KCND2: variants seen among roughly 807,000 people sequenced by gnomAD.
The protein encoded by KCND2 is potassium voltage-gated channel subfamily D member 2.
KCND2 carries 16 observed loss-of-function variants against 54.4 expected under a neutral mutation model. That is an observed-to-expected ratio of 0.29 (90% CI 0.20 to 0.45). KCND2 has a LOEUF of 0.45. KCND2 is among the 20% of genes least tolerant of loss of function. The probability of loss-of-function intolerance (pLI) is 1.00; values close to 1 mark genes in which losing one functional copy is unlikely to be tolerated. For synonymous variants in KCND2, 317 were observed against 310.7 expected (o/e 1.02, Z -0.21); for missense variants, 486 against 824.2 (o/e 0.59, Z 5.02).
chr7:120,454,575 G>A (rs1007769093), intron 1 of KCND2, among the ~76,000 whole-genome samples: 4 of 151,972 alleles, frequency 2.6e-5, no homozygotes, highest in East Asian at 1.9e-4. Flanking sequence ...CTTACCAACC[G>A]GAAAAAAATT....
chr7:120,686,171 G>C (rs147668764), intron 1 of KCND2, among the ~76,000 whole-genome samples: 1 of 152,270 alleles, frequency 6.6e-6, no homozygotes, highest in Non-Finnish European at 1.5e-5. Flanking sequence ...TGGATATTTA[G>C]ATTTTTTCCA....
At chr7:120,743,196 C>T (rs980622039) in intron 4 of KCND2, among the ~76,000 whole-genome samples, 2 of 152,172 alleles carry the variant, frequency 1.3e-5, no homozygotes, top group Non-Finnish European at 2.9e-5. Flanking sequence ...ATTGGCAAAT[C>T]TACCAATTTC....
intron 1 of KCND2, among the ~76,000 whole-genome samples, chr7:120,569,897 G>A (rs1172704225): frequency 6.6e-6 from 1 of 152,028 alleles, no homozygotes; most frequent in Admixed American, 6.6e-5. Flanking sequence ...GCTGTAATAG[G>A]GACAGGGGAT....
At chr7:120,356,977 G>A (rs950356893) in intron 1 of KCND2, among the ~76,000 whole-genome samples, 5 of 152,116 alleles carry the variant, frequency 3.3e-5, no homozygotes, top group African/African-American at 7.2e-5. Context: ...AGGCTGAGCT[G>A]TGCTTTTCAG....
intron 1 of KCND2, among the ~76,000 whole-genome samples, chr7:120,358,178 T>C (rs1800535082): frequency 6.6e-6 from 1 of 152,034 alleles, no homozygotes; most frequent in African/African-American, 2.4e-5. Flanking sequence ...AGAGCAAAAA[T>C]ACTTATTAGG....
intron 1 of KCND2, among the ~76,000 whole-genome samples, chr7:120,636,019 G>T (rs559452041): frequency 2.3e-4 from 35 of 152,264 alleles, no homozygotes; most frequent in African/African-American, 8.4e-4. Context: ...AAACGCAACT[G>T]TGGCCTTCCT....
At chr7:120,602,407 C>T (rs1024986473) in intron 1 of KCND2, among the ~76,000 whole-genome samples, 3 of 152,062 alleles carry the variant, frequency 2.0e-5, no homozygotes, top group Admixed American at 1.3e-4. Context: ...AGGCTTCCTG[C>T]AATCATCTAT....
chr7:120,523,381 A>G (rs1791723818), intron 1 of KCND2, among the ~76,000 whole-genome samples: 1 of 151,460 alleles, frequency 6.6e-6, no homozygotes, highest in South Asian at 2.1e-4. Context: ...AAAATAATAA[A>G]CTTTAAAATA....
intron 1 of KCND2, among the ~76,000 whole-genome samples, chr7:120,683,127 T>C (rs1010661623): frequency 6.6e-6 from 1 of 152,114 alleles, no homozygotes; most frequent in African/African-American, 2.4e-5. Context: ...CATGAAACAC[T>C]GGTTGAATAC....
At chr7:120,310,975 A>G (rs1301780609) in intron 1 of KCND2, among the ~76,000 whole-genome samples, 3 of 151,498 alleles carry the variant, frequency 2.0e-5, no homozygotes, top group African/African-American at 7.3e-5. Flanking sequence ...AAAACTCTGT[A>G]TTACATATAT....
At chr7:120,405,928 G>A (rs1033591480) in intron 1 of KCND2, among the ~76,000 whole-genome samples, 1 of 151,966 alleles carries the variant, frequency 6.6e-6, no homozygotes, top group African/African-American at 2.4e-5. Context: ...TTCTGTCATG[G>A]TATAGTAGGT....
chr7:120,482,812 A>C (rs1221242027), intron 1 of KCND2, among the ~76,000 whole-genome samples: 1 of 152,216 alleles, frequency 6.6e-6, no homozygotes, highest in Non-Finnish European at 1.5e-5. Flanking sequence ...AGCAAAAAAA[A>C]CAGGCTAAAA....
intron 1 of KCND2, among the ~76,000 whole-genome samples, chr7:120,435,091 T>TTTTATTTATTTATTTATTTATTTATTTA (rs58887227): frequency 6.7e-6 from 1 of 149,212 alleles, no homozygotes; most frequent in African/African-American, 2.5e-5. Flanking sequence ...AAACAATAAA[T>TTTTATTTATTTATTTATTTATTTATTTA]TTTATTTATT....
At chr7:120,383,241 C>T (rs1800938014) in intron 1 of KCND2, among the ~76,000 whole-genome samples, 1 of 151,780 alleles carries the variant, frequency 6.6e-6, no homozygotes, top group Admixed American at 6.6e-5. Context: ...TTTCATTGGC[C>T]AGATTTTCTG....
intron 1 of KCND2, among the ~76,000 whole-genome samples, chr7:120,313,405 T>C (rs773268593): frequency 1.3e-5 from 2 of 152,102 alleles, no homozygotes; most frequent in Non-Finnish European, 2.9e-5. Flanking sequence ...GGTAAAGACA[T>C]TTTGGGAAGG....
chr7:120,730,313 G>A (rs947828460), intron 1 of KCND2, among the ~76,000 whole-genome samples: 1 of 152,062 alleles, frequency 6.6e-6, no homozygotes, highest in Non-Finnish European at 1.5e-5. Context: ...AAAACATTGT[G>A]TATAAAATAT....
chr7:120,579,969 T>C (rs1015913947), intron 1 of KCND2, among the ~76,000 whole-genome samples: 7 of 152,174 alleles, frequency 4.6e-5, no homozygotes, highest in African/African-American at 1.4e-4. Context: ...CCATCCTGGC[T>C]CCATTTCTGA....
intron 1 of KCND2, among the ~76,000 whole-genome samples, chr7:120,518,024 A>G (rs1803220462): frequency 6.6e-6 from 1 of 152,142 alleles, no homozygotes; most frequent in Non-Finnish European, 1.5e-5. Context: ...TGCGATCCTC[A>G]TGGCCCAAGA....
At chr7:120,468,349 G>A (rs982671730) in intron 1 of KCND2, among the ~76,000 whole-genome samples, 5 of 152,036 alleles carry the variant, frequency 3.3e-5, no homozygotes, top group African/African-American at 4.8e-5. Context: ...AAGTCCTTCT[G>A]CTGTAATGTG....
Sources: allele counts gnomAD v4.1 joint callset (sites outside exome capture counted in the v4.1 genomes callset), GRCh38; gene constraint gnomAD v4.1.1; transcripts MANE v1.5; gene names NCBI Gene and HGNC (gene_info 2026-07-23, HGNC 2026-07-21).